The following METAP1D variants were observed in gnomAD, a reference collection of about 807,000 sequenced individuals.
METAP1D encodes methionine aminopeptidase 1D, mitochondrial.
METAP1D carries 31 observed loss-of-function variants against 40.5 expected under a neutral mutation model. The ratio of observed to expected loss-of-function variants is 0.77; its 90% CI spans 0.58 to 1.03. The LOEUF is 1.03. Among genes scored for constraint, METAP1D ranks in the 50% least tolerant of loss-of-function variants. The probability of loss-of-function intolerance (pLI) is 0.00; values close to 1 mark genes in which losing one functional copy is unlikely to be tolerated. For synonymous variants in METAP1D, 151 were observed against 146.4 expected, an observed-to-expected ratio of 1.03 and a Z score of -0.22; for missense variants, 411 against 420.7, an observed-to-expected ratio of 0.98 and a Z score of 0.20.
In METAP1D at chr2:172,045,815, GTGTGTATATATATA is replaced by G. The variant is rs1413618608; in HGVS notation, c.41-15681_41-15668del. On this transcript the variant is annotated intron_variant, in intron 1 of 9. Coordinates refer to ENST00000315796, the MANE Select transcript of METAP1D (RefSeq NM_199227.3). The stretch of plus-strand genomic sequence containing the variant: ...TGTATATATGTGTGTGTGTGTGTGT[GTGTGTATATATATA>G]TATATATATATATATATATATATAT... 1.7e-3 allele frequency among the ~76,000 whole-genome samples: 42 copies of G among 24,272 alleles called. 1 individual carries two copies. The highest frequency in any genetic ancestry group is 3.8e-3 in the African/African-American group (26 of 6,874). The allele number at this position is 24,272 out of a possible 152,430, so 15.9% of individuals were successfully genotyped here.
intron 1 of METAP1D, among the ~76,000 whole-genome samples, chr2:172,023,924 A>G (rs186661849): frequency 0.01 from 1,507 of 147,162 alleles, 25 homozygotes; most frequent in African/African-American, 0.031. Flanking sequence ...GTGTGATCTC[A>G]GCTCACTGCA....
intron 1 of METAP1D, among the ~76,000 whole-genome samples, chr2:172,009,295 G>A (rs950427666): frequency 4.0e-5 from 6 of 151,632 alleles, no homozygotes; most frequent in Admixed American, 2.6e-4. Context: ...CGCCCACTTC[G>A]GCCTCCCAAA....
intron 6 of METAP1D, among the ~76,000 whole-genome samples, chr2:172,075,432 C>T (rs1175868593): frequency 6.6e-6 from 1 of 152,172 alleles, no homozygotes; most frequent in Non-Finnish European, 1.5e-5. Flanking sequence ...GGGAGCACTT[C>T]GGTGCTTCTG....
At chr2:172,040,015 C>T (rs568913599) in intron 1 of METAP1D, among the ~76,000 whole-genome samples, 2 of 149,720 alleles carry the variant, frequency 1.3e-5, no homozygotes, top group African/African-American at 4.9e-5. Flanking sequence ...GACAGAGTCT[C>T]GCCCTGTCGC....
intron 6 of METAP1D, 131 bp from the exon 7 acceptor site, chr2:172,077,666 T>A: frequency 1.9e-6 from 1 of 534,882 alleles, no homozygotes; most frequent in East Asian, 3.2e-5. Context: ...AACACATGAA[T>A]GTTATTATCT....
chr2:172,047,253 C>G (rs1458911503), intron 1 of METAP1D, among the ~76,000 whole-genome samples: 1 of 152,100 alleles, frequency 6.6e-6, no homozygotes, highest in Non-Finnish European at 1.5e-5. Flanking sequence ...GCAAAGAAGA[C>G]TTCTTGATAC....
intron 1 of METAP1D, among the ~76,000 whole-genome samples, chr2:172,007,487 A>G (rs544754190): frequency 3.0e-4 from 45 of 152,114 alleles, no homozygotes; most frequent in Non-Finnish European, 5.1e-4. Flanking sequence ...CTCTGTTAGG[A>G]TGGATCTATT....
chr2:172,041,238 A>C (rs1689514982), intron 1 of METAP1D, among the ~76,000 whole-genome samples: 1 of 151,902 alleles, frequency 6.6e-6, no homozygotes, highest in African/African-American at 2.4e-5. Context: ...AGGTGGGTGG[A>C]CCATGAGGTC....
chr2:172,082,189 C>T lies in METAP1D; in HGVS notation c.*1783C>T, dbSNP rs1231010928. 1 of 152,022 alleles carries T rather than the reference C, an allele frequency of 6.6e-6. No homozygotes were observed. Among genetic ancestry groups the T allele is most frequent in the East Asian group, 1.9e-4 (1 of 5,172 alleles). The allele number at this position is 152,022 out of a possible 1,614,324, so 9.4% of individuals were successfully genotyped here. ...TAAAGATCAAGAGGGTTCAGCTGGC[C>T]TTGGGAGATGTTTGCTGGAGAATGA... On this transcript the variant is annotated 3_prime_UTR_variant, in exon 10 of 10. Coordinates refer to ENST00000315796, the MANE Select transcript of METAP1D (RefSeq NM_199227.3).
intron 1 of METAP1D, among the ~76,000 whole-genome samples, chr2:172,015,081 A>G (rs1688824119): frequency 6.6e-6 from 1 of 152,238 alleles, no homozygotes; most frequent in Non-Finnish European, 1.5e-5. Context: ...AACAATTTTT[A>G]TAAAATAGCC....
chr2:172,061,281 C>T (rs1378643143), intron 1 of METAP1D, among the ~76,000 whole-genome samples: 5 of 152,132 alleles, frequency 3.3e-5, no homozygotes, highest in Admixed American at 6.5e-5. Flanking sequence ...TCCATTGTCA[C>T]GCATTTATGT....
rs1689602533 is a variant in METAP1D at position 172,042,631 on chromosome 2, A to ATGTG, written c.41-18867_41-18866insTGTG. The stretch of plus-strand genomic sequence containing the variant: ...TATACATATATGTGTGTATGTGTAC[A>ATGTG]CATATACATATGTGTGTATGTGTAT... On this transcript the variant is annotated intron_variant, in intron 1 of 9. Coordinates refer to ENST00000315796, the MANE Select transcript of METAP1D (RefSeq NM_199227.3). 3.9e-5 allele frequency among the ~76,000 whole-genome samples: 2 copies of ATGTG among 51,856 alleles called. 1 individual carries two copies. The highest frequency in any genetic ancestry group is 1.1e-4 in the Non-Finnish European group (2 of 18,964). 34.0% of individuals were successfully genotyped at this position (51,856 alleles called of 152,430 possible). A position where few individuals can be genotyped will look rare whatever the true frequency, so the allele number is the denominator to read the frequency against.
chr2:172,040,626 G>A (rs759691654), intron 1 of METAP1D, among the ~76,000 whole-genome samples: 3 of 152,100 alleles, frequency 2.0e-5, no homozygotes, highest in Non-Finnish European at 4.4e-5. Context: ...CTTGTTCAGC[G>A]GAGTGGCAGA....
chr2:172,049,556 C>T (rs746172830), intron 1 of METAP1D, among the ~76,000 whole-genome samples: 1 of 152,006 alleles, frequency 6.6e-6, no homozygotes, highest in Non-Finnish European at 1.5e-5. Context: ...CAAAAACTGT[C>T]GAGTGAGTAT....
At chr2:172,071,483 G>C (rs924818330) in intron 6 of METAP1D, among the ~76,000 whole-genome samples, 3 of 152,184 alleles carry the variant, frequency 2.0e-5, no homozygotes, top group Non-Finnish European at 4.4e-5. Flanking sequence ...ATGTATTTCT[G>C]TGATATGAAG....
chr2:172,062,834 A>G (rs897675807), intron 2 of METAP1D, among the ~76,000 whole-genome samples: 1 of 152,254 alleles, frequency 6.6e-6, no homozygotes. Context: ...AGCTGCTGCA[A>G]TGTTTCAATT....
chr2:172,052,298 G>C (rs1054950250), intron 1 of METAP1D, among the ~76,000 whole-genome samples: 3 of 152,132 alleles, frequency 2.0e-5, no homozygotes, highest in African/African-American at 4.8e-5. Flanking sequence ...CTCTGTAATG[G>C]CATCTTAGCT....
At chr2:172,061,359 C>A in intron 1 of METAP1D, 139 bp from the exon 2 acceptor site, 1 of 670,540 alleles carries the variant, frequency 1.5e-6, no homozygotes, top group Non-Finnish European at 2.4e-6. Context: ...CCACTGTTTT[C>A]ATTTCTATTT....
intron 1 of METAP1D, among the ~76,000 whole-genome samples, chr2:172,044,416 A>AC (rs1264101874): frequency 7.9e-6 from 1 of 126,020 alleles, no homozygotes; most frequent in East Asian, 2.1e-4. Context: ...AAAAAAAAAA[A>AC]AAAAAAAAAA....
Sources: allele counts gnomAD v4.1 joint callset (sites outside exome capture counted in the v4.1 genomes callset), GRCh38; gene constraint gnomAD v4.1.1; transcripts MANE v1.5; gene names NCBI Gene and HGNC (gene_info 2026-07-23, HGNC 2026-07-21).